Variants in SERINC5 observed in about 807,000 individuals in gnomAD.
SERINC5 encodes the protein serine incorporator 5.
Under a neutral mutation model 63.1 loss-of-function variants are expected in SERINC5, and 41 were observed. The observed-to-expected ratio is 0.65, with a 90% CI of 0.51 to 0.84. The LOEUF is 0.84. SERINC5 is among the 40% of genes least tolerant of loss of function. The pLI is 0.00. For synonymous variants in SERINC5, 222 were observed against 215.2 expected (o/e 1.03, Z -0.28); for missense variants, 523 against 573.0 (o/e 0.91, Z 0.89).
rs545274031 is a variant in SERINC5, at chr5:80,219,651, G to C, written c.28-16598C>G. ...CCTTTGTGAGGATGCCTGCATTCAA[G>C]CACCAGCTGCCTCGATGGCACCAAC... On this transcript the variant is annotated intron_variant, in intron 1 of 11. Transcript: ENST00000507668. Among the ~76,000 whole-genome samples the C allele has an allele frequency of 3.9e-5, 6 of 152,206 alleles. No homozygotes were observed. The South Asian group carries it at 1.2e-3, about 32-fold the overall frequency.
intron 1 of SERINC5, among the ~76,000 whole-genome samples, chr5:80,237,529 T>C (rs1270725737): frequency 2.6e-5 from 4 of 151,330 alleles, no homozygotes; most frequent in Admixed American, 1.3e-4. Context: ...GAGATGGGGT[T>C]TCACTATGTT....
rs1174325559 is a variant in SERINC5, at chr5:80,229,050, T to TGGGGGTGGG, written c.28-25998_28-25997insCCCACCCCC. 6.4e-5 allele frequency among the ~76,000 whole-genome samples: 6 copies of TGGGGGTGGG among 94,100 alleles called. 3 individuals are homozygous for TGGGGGTGGG. The highest frequency in any genetic ancestry group is 2.7e-4 in the Admixed American group (2 of 7,530). 61.7% of individuals were successfully genotyped at this position (94,100 alleles called of 152,430 possible). The stretch of plus-strand genomic sequence containing the variant: ...TTTTTTTTTTTTTTTTTTTTTTTTT[T>TGGGGGTGGG]GGGGATGGAGTTGCCTAGGCTGGAG... On this transcript the variant is annotated intron_variant, in intron 1 of 11. Coordinates refer to ENST00000507668, the MANE Select transcript of SERINC5 (RefSeq NM_001174072.3).
chr5:80,166,874 T>C (rs1281363339), intron 6 of SERINC5: 1 of 193,796 alleles, frequency 5.2e-6, no homozygotes, highest in Non-Finnish European at 1.1e-5. Context: ...GAGTAAGTGG[T>C]AAACCAGATT....
rs1561441934 is a variant in SERINC5 at position 80,229,050 on chromosome 5, T to TCGGGGGGGGG, written c.28-25998_28-25997insCCCCCCCCCG. On this transcript the variant is annotated intron_variant, in intron 1 of 11. Transcript: ENST00000507668. ...TTTTTTTTTTTTTTTTTTTTTTTTT[T>TCGGGGGGGGG]GGGGATGGAGTTGCCTAGGCTGGAG... is the stretch of plus-strand genomic sequence containing the variant. Among the ~76,000 whole-genome samples the TCGGGGGGGGG allele has an allele frequency of 2.1e-5, 2 of 94,104 alleles. 1 individual carries two copies. Among genetic ancestry groups the TCGGGGGGGGG allele is most frequent in the African/African-American group, 7.8e-5 (2 of 25,534 alleles). The allele number at this position is 94,104 out of a possible 152,430, so 61.7% of individuals were successfully genotyped here.
intron 7 of SERINC5, among the ~76,000 whole-genome samples, chr5:80,165,049 TTC>T (rs531087063): frequency 1.3e-5 from 2 of 151,886 alleles, no homozygotes; most frequent in Non-Finnish European, 2.9e-5. Flanking sequence ...AGCCTTTTTT[TTC>T]TGTTTTAAAG....
chr5:80,247,928 G>A (rs886557206), intron 1 of SERINC5, among the ~76,000 whole-genome samples: 5 of 152,118 alleles, frequency 3.3e-5, no homozygotes, highest in African/African-American at 1.2e-4. Flanking sequence ...GCTCACTGCA[G>A]CCTCGACCTC....
At chr5:80,147,468 C>A (rs189363995) in intron 9 of SERINC5, among the ~76,000 whole-genome samples, 184 bp from the exon 10 acceptor site, 1 of 152,306 alleles carries the variant, frequency 6.6e-6, no homozygotes, top group Admixed American at 6.5e-5. Flanking sequence ...CACAGAGATC[C>A]TCATCCGTGG....
chr5:80,143,318 C>A lies in SERINC5; in HGVS notation c.*345G>T. 9.7e-7 allele frequency: 1 copy of A among 1,025,872 alleles called. No homozygotes were observed. The highest frequency in any genetic ancestry group is 1.2e-6 in the Non-Finnish European group (1 of 856,038). 63.5% of individuals were successfully genotyped at this position (1,025,872 alleles called of 1,614,324 possible). ...CTATTCCGAGGATGAGAATGACTGGCCCCACAAGATATTTTTATCCCTGTG... is the reference window on the plus strand; with the variant it reads ...CTATTCCGAGGATGAGAATGACTGGACCCACAAGATATTTTTATCCCTGTG... On this transcript the variant is annotated 3_prime_UTR_variant, in exon 12 of 12. Transcript: ENST00000507668.
At chr5:80,130,482 G>A (rs562470148) in intron 11 of SERINC5, among the ~76,000 whole-genome samples, 2 of 152,286 alleles carry the variant, frequency 1.3e-5, no homozygotes, top group Admixed American at 1.3e-4. Flanking sequence ...GTTTGAGCCT[G>A]GGCAATACAA....
Position 80,158,902 on chromosome 5 carries a change from T to C in SERINC5, c.920A>G (p.Tyr307Cys). The C allele has an allele frequency of 6.2e-7, 1 of 1,613,686 alleles. No homozygotes were observed. The highest frequency in any genetic ancestry group is 8.5e-7 in the Non-Finnish European group (1 of 1,179,678). The stretch of plus-strand genomic sequence containing the variant: ...TATAGTCACCAAGTTTTCATCTCTG[T>C]ACAGGTCTTGACCAAAGTCAGGCAC... ...ICVPDFGQDL[Y>C]RDENLVTILG... The change falls in exon 8 of 12, where the codon TAC becomes TGC. Residue 307 changes from tyrosine (Y) to cysteine (C), a missense_variant. Coordinates refer to ENST00000507668, the MANE Select transcript of SERINC5 (RefSeq NM_001174072.3).
chr5:80,239,995 T>C (rs1225460782), intron 1 of SERINC5, among the ~76,000 whole-genome samples: 2 of 152,182 alleles, frequency 1.3e-5, no homozygotes, highest in Non-Finnish European at 2.9e-5. Flanking sequence ...TGGTCAGCCT[T>C]CCTGAAGCTC....
chr5:80,134,772 C>T (rs1745090260), downstream of SERINC5, among the ~76,000 whole-genome samples: 1 of 152,252 alleles, frequency 6.6e-6, no homozygotes, highest in South Asian at 2.1e-4. Context: ...CTCAAACCCT[C>T]ATGGTTAGTT....
At chr5:80,181,151 C>G (rs990836122) in intron 2 of SERINC5, among the ~76,000 whole-genome samples, 2 of 152,214 alleles carry the variant, frequency 1.3e-5, no homozygotes, top group Non-Finnish European at 2.9e-5. Flanking sequence ...TGTCACGTGA[C>G]TGTCTCTCCA....
Position 80,158,900 on chromosome 5 carries a change from T to G in SERINC5, c.922A>C (p.Arg308=), listed in dbSNP as rs372110753. 1.5e-4 allele frequency: 249 copies of G among 1,612,912 alleles called. No homozygotes were observed. Among genetic ancestry groups the G allele is most frequent in the Non-Finnish European group, 1.9e-4 (223 of 1,179,048 alleles). Residue 308 remains arginine, a synonymous_variant, in exon 8 of 12, where the codon AGA becomes CGA. Transcript: ENST00000507668. ...AGTATAGTCACCAAGTTTTCATCTC[T>G]GTACAGGTCTTGACCAAAGTCAGGC... ...CVPDFGQDLY[R]DENLVTILGT... is the part of the protein sequence containing the mutation.
At chr5:80,168,556 T>C (rs1747453064) in intron 6 of SERINC5, among the ~76,000 whole-genome samples, 1 of 152,214 alleles carries the variant, frequency 6.6e-6, no homozygotes, top group Non-Finnish European at 1.5e-5. Flanking sequence ...GCTGTACATT[T>C]ATTGCCTGTA....
chr5:80,115,344 T>C (rs1744288637), intron 11 of SERINC5, among the ~76,000 whole-genome samples: 1 of 151,978 alleles, frequency 6.6e-6, no homozygotes, highest in Non-Finnish European at 1.5e-5. Flanking sequence ...TCCAAGGTTG[T>C]CTCTCCAATG....
At chr5:80,131,160 G>C (rs556206557) in intron 11 of SERINC5, among the ~76,000 whole-genome samples, 131 of 152,146 alleles carry the variant, frequency 8.6e-4, no homozygotes, top group African/African-American at 3.0e-3. Context: ...CATGTGTCAT[G>C]GGGGGGACCT....
At chr5:80,148,395 G>C (rs1345147908) in intron 9 of SERINC5, among the ~76,000 whole-genome samples, 1 of 151,522 alleles carries the variant, frequency 6.6e-6, no homozygotes, top group African/African-American at 2.4e-5. Flanking sequence ...TTTCCATGTT[G>C]GTCAGGCTGG....
At chr5:80,182,831 C>A (rs929712513) in intron 2 of SERINC5, among the ~76,000 whole-genome samples, 4 of 152,294 alleles carry the variant, frequency 2.6e-5, no homozygotes, top group Non-Finnish European at 5.9e-5. Context: ...CAGGCGTGAA[C>A]CACCATGCCC....
Sources: gnomAD v4.1 joint callset for allele counts (sites outside exome capture counted in the v4.1 genomes callset) on GRCh38, gnomAD v4.1.1 for gene constraint, MANE v1.5 for transcripts, NCBI Gene and HGNC (gene_info 2026-07-23, HGNC 2026-07-21) for gene names.